GPR137: variants seen among roughly 807,000 people sequenced by gnomAD.
GPR137 encodes the protein integral membrane protein GPR137.
In GPR137, 20 loss-of-function variants were observed where a neutral mutation model predicts 38.9. That is an observed-to-expected ratio of 0.51 (90% CI 0.36 to 0.75). GPR137 has a LOEUF of 0.75. Ranked by LOEUF, GPR137 falls within the 30% of genes least tolerant of loss-of-function variation. The pLI is 0.00. For missense variants in GPR137, 456 were observed against 526.4 expected, an observed-to-expected ratio of 0.87 and a Z score of 1.31; for synonymous variants, 226 against 235.8, an observed-to-expected ratio of 0.96 and a Z score of 0.38.
chr11:64,288,830 A>G lies in GPR137; in HGVS notation c.1031+109A>G, dbSNP rs542913018. ...CCGGGTCTTGCCTTCCACCCCTGCC[A>G]TGGCCTTTGCTTCCCCATCTGTACT... is the stretch of plus-strand genomic sequence containing the variant. On this transcript the variant is annotated intron_variant, in intron 6 of 6. Transcript: ENST00000438980. This position sits in a 1 kb window ranked among gnomAD's most constrained non-coding sequence, Gnocchi z 5.5. The G allele has an allele frequency of 1.7e-5, 23 of 1,388,854 alleles. 1 individual carries two copies. The highest frequency in any genetic ancestry group is 4.0e-4 in the Middle Eastern group (2 of 5,046). 86.0% of individuals were successfully genotyped at this position (1,388,854 alleles called of 1,614,324 possible). A position where few individuals can be genotyped will look rare whatever the true frequency, so the allele number is the denominator to read the frequency against.
upstream of GPR137, among the ~76,000 whole-genome samples, chr11:64,280,568 G>A (rs2033399139): frequency 6.7e-6 from 1 of 150,308 alleles, no homozygotes; most frequent in African/African-American, 2.4e-5. Flanking sequence ...AGCCAGGATG[G>A]TCTTGATCTC....
At chr11:64,287,091 C>T in intron 2 of GPR137, 77 bp downstream of exon 2, 1 of 1,547,278 alleles carries the variant, frequency 6.5e-7, no homozygotes, top group Admixed American at 2.0e-5. Context: ...CCCTTCCCAC[C>T]TCTCAGGGCT....
rs759037399 is a variant in GPR137 at position 64,287,913 on chromosome 11, G to C, written c.600G>C (p.Arg200=). The change falls in exon 3 of 7, where the codon CGG becomes CGC. Residue 200 remains arginine, a synonymous_variant. Transcript: ENST00000438980. ...CCTGCCTCTGCCTCGTCGCCAGGCG[G>C]GCGCCCTCCACTAGCATCTACCTGG... is the stretch of plus-strand genomic sequence containing the variant. ...LAACLCLVAR[R]APSTSIYLEA... 5.6e-6 allele frequency: 9 copies of C among 1,602,036 alleles called. 1 individual carries two copies. In the South Asian group the frequency reaches 9.9e-5, roughly 18 times the overall value.
At chr11:64,282,881 GA>G (rs541902877), upstream of GPR137, among the ~76,000 whole-genome samples, 963 of 88,056 alleles carry the variant, frequency 0.011, 8 homozygotes, top group Middle Eastern at 0.057. Flanking sequence ...TCCGTCTCAG[GA>G]AAAAAAAAAA....
At chr11:64,284,229 T>C (rs1277708500), upstream of GPR137, 3 of 1,607,024 alleles carry the variant, frequency 1.9e-6, no homozygotes, top group African/African-American at 4.0e-5. Context: ...GTGACTGGCG[T>C]CCCACAGGAG....
At chr11:64,285,768 C>A (rs1337091102), upstream of GPR137, 4 of 985,208 alleles carry the variant, frequency 4.1e-6, no homozygotes. Flanking sequence ...GGGTGCGGCG[C>A]TGGACTGCGG....
upstream of GPR137, chr11:64,271,749 T>C: frequency 6.9e-7 from 1 of 1,450,406 alleles, no homozygotes; most frequent in Non-Finnish European, 9.1e-7. Context: ...TTCGTCGTCC[T>C]CCGTCCCCGC....
At chr11:64,275,610 G>A (rs2033002388), upstream of GPR137, 2 of 152,234 alleles carry the variant, frequency 1.3e-5, 1 homozygote, top group South Asian at 4.1e-4. Flanking sequence ...AACAGAGGCA[G>A]AGGTTAAGAA....
upstream of GPR137, among the ~76,000 whole-genome samples, chr11:64,282,131 A>C (rs959562292): frequency 6.6e-6 from 1 of 152,166 alleles, no homozygotes; most frequent in African/African-American, 2.4e-5. Context: ...AAGCTCCACA[A>C]GGGCAAGGAT....
Position 64,286,303 on chromosome 11 carries a change from A to G in GPR137, c.-222A>G. On this transcript the variant is annotated 5_prime_UTR_variant, in exon 1 of 7. An upstream start codon of the reference 5' UTR is lost. Coordinates refer to ENST00000438980, the MANE Select transcript of GPR137 (RefSeq NM_001170880.2). ...CCTGGAGAAAAGAGACTGCCCTTCC[A>G]TGCCCCTGAGTGAGGGGCCTGGGGC... The G allele has an allele frequency of 7.2e-7, 1 of 1,398,044 alleles. No homozygotes were observed. The highest frequency in any genetic ancestry group is 9.2e-7 in the Non-Finnish European group (1 of 1,081,300). The allele number at this position is 1,398,044 out of a possible 1,614,324, so 86.6% of individuals were successfully genotyped here.
upstream of GPR137, among the ~76,000 whole-genome samples, chr11:64,279,837 A>G (rs1157017564): frequency 6.6e-6 from 1 of 150,636 alleles, no homozygotes; most frequent in African/African-American, 2.4e-5. Flanking sequence ...CTCACCCTTC[A>G]GTGTTTCTTC....
upstream of GPR137, among the ~76,000 whole-genome samples, chr11:64,273,848 C>G (rs1466776961): frequency 8.4e-6 from 1 of 118,960 alleles, no homozygotes; most frequent in Non-Finnish European, 1.7e-5. Flanking sequence ...CGCCACTGCA[C>G]CCATCTCAAA....
chr11:64,271,734 A>G (rs1325372380), upstream of GPR137: 1 of 1,442,194 alleles, frequency 6.9e-7, no homozygotes, highest in Non-Finnish European at 9.1e-7. Context: ...CTCCTCCCCC[A>G]TCCCTTCGTC....
exon 1 of GPR137, chr11:64,270,536 C>A (rs974834936): frequency 1.3e-6 from 1 of 761,036 alleles, no homozygotes; most frequent in Non-Finnish European, 2.2e-6. Context: ...TGGTTAGATC[C>A]CAGGAACTCC....
At chr11:64,286,938 A>G in intron 1 of GPR137, 27 bp from the exon 2 acceptor site, 1 of 1,613,836 alleles carries the variant, frequency 6.2e-7, no homozygotes, top group Non-Finnish European at 8.5e-7. Flanking sequence ...AAGGACCCAC[A>G]GGAGTGAAGG....
upstream of GPR137, among the ~76,000 whole-genome samples, chr11:64,283,427 C>T (rs1356246641): frequency 3.3e-5 from 5 of 152,306 alleles, no homozygotes; most frequent in Admixed American, 1.3e-4. Flanking sequence ...GTGCTAGAGC[C>T]TACTGAGAAA....
At chr11:64,284,820 G>A, upstream of GPR137, 3 of 1,526,064 alleles carry the variant, frequency 2.0e-6, no homozygotes, top group Non-Finnish European at 2.6e-6. Context: ...CGGATCCAAG[G>A]CTCCTCGTCC....
At position 64,286,010 on chromosome 11, in the gene GPR137, G is replaced by T. The variant is rs1322358945; in HGVS notation, c.-515G>T. 14 of 985,120 alleles carry T rather than the reference G, an allele frequency of 1.4e-5. No homozygotes were observed. Among genetic ancestry groups the T allele is most frequent in the East Asian group, 2.3e-4 (2 of 8,800 alleles). 61.0% of individuals were successfully genotyped at this position (985,120 alleles called of 1,614,324 possible). ...GGCGGGGGCAGCTTTCGAGAATTACGAGGACAGGAGGCAGAGGCCCTCCCC... is the reference window on the plus strand; with the variant it reads ...GGCGGGGGCAGCTTTCGAGAATTACTAGGACAGGAGGCAGAGGCCCTCCCC... On this transcript the variant is annotated 5_prime_UTR_variant, in exon 1 of 7. Transcript: ENST00000438980.
Position 64,288,527 on chromosome 11 carries a change from G to A in GPR137, c.912+59G>A. 6.2e-7 allele frequency: 1 copy of A among 1,613,264 alleles called. No individual in the cohort carries two copies. Among genetic ancestry groups the A allele is most frequent in the Non-Finnish European group, 8.5e-7 (1 of 1,179,836 alleles). ...GGAGGGGGCGGATGTTGCAAATCCT[G>A]GGTTGGAGTCTGGGGTTGGGCCTGG... On this transcript the variant is annotated intron_variant, in intron 5 of 6. Transcript: ENST00000438980. The surrounding 1 kb of genome is among the most constrained non-coding windows in gnomAD (Gnocchi z 5.5).
Sources: allele counts gnomAD v4.1 joint callset (sites outside exome capture counted in the v4.1 genomes callset), GRCh38; gene constraint gnomAD v4.1.1; non-coding constraint Gnocchi (gnomAD v3.1); transcripts MANE v1.5; gene names NCBI Gene and HGNC (gene_info 2026-07-23, HGNC 2026-07-21).